Variants in TCF7L2 observed in about 807,000 individuals in gnomAD.
TCF7L2 encodes the protein transcription factor 7 like 2.
TCF7L2 carries 23 observed loss-of-function variants against 77.9 expected under a neutral mutation model. The ratio of observed to expected loss-of-function variants is 0.30; its 90% CI spans 0.21 to 0.42. TCF7L2 has a LOEUF of 0.42. Among genes scored for constraint, TCF7L2 ranks in the 10% least tolerant of loss-of-function variants. The pLI is 1.00. For synonymous variants in TCF7L2, 413 were observed against 340.2 expected (o/e 1.21, Z -2.36); for missense variants, 654 against 793.1 (o/e 0.82, Z 2.11).
chr10:112,992,351 C>T lies in TCF7L2; in HGVS notation c.450+27727C>T, dbSNP rs1325145501. On this transcript the variant is annotated intron_variant, in intron 4 of 13. Transcript: ENST00000627217. ...GCCACCCTCGCCTCCGCCCCCCAGCCCTGGGAGGGATGCATGCCCTCCGGG... is the reference window on the plus strand; with the variant it reads ...GCCACCCTCGCCTCCGCCCCCCAGCTCTGGGAGGGATGCATGCCCTCCGGG... Among the ~76,000 whole-genome samples the T allele has an allele frequency of 2.6e-5, 4 of 152,298 alleles. No homozygotes were observed. The South Asian group carries it at 8.3e-4, about 32-fold the overall frequency.
At chr10:113,122,605 A>G (rs2064978135) in intron 5 of TCF7L2, among the ~76,000 whole-genome samples, 1 of 152,234 alleles carries the variant, frequency 6.6e-6, no homozygotes, top group South Asian at 2.1e-4. Context: ...AATTGTATGC[A>G]GGAATAAAGA....
intron 5 of TCF7L2, among the ~76,000 whole-genome samples, chr10:113,088,912 C>T (rs553139380): frequency 5.4e-4 from 82 of 150,516 alleles, no homozygotes; most frequent in African/African-American, 1.1e-3. Context: ...AAGTCCAGTC[C>T]GGGCAACATA....
intron 5 of TCF7L2, among the ~76,000 whole-genome samples, chr10:113,101,489 G>A (rs1029964590): frequency 5.3e-5 from 8 of 152,006 alleles, no homozygotes; most frequent in Admixed American, 2.6e-4. Flanking sequence ...GCTGCAGTGA[G>A]CTCTAATTGA....
At position 112,964,710 on chromosome 10, in the gene TCF7L2, A is replaced by AGATAAT. The variant is rs370823901; in HGVS notation, c.450+90_450+95dup. 3 of 983,172 alleles carry AGATAAT rather than the reference A, an allele frequency of 3.1e-6. No individual in the cohort carries two copies. The East Asian group carries it at 1.2e-4, about 38-fold the overall frequency. 60.9% of individuals were successfully genotyped at this position (983,172 alleles called of 1,614,324 possible). The stretch of plus-strand genomic sequence containing the variant: ...TATTCTCCGCCCCTTCCCCCAACTG[A>AGATAAT]GATAATGATGATGATGATGATGATG... On this transcript the variant is annotated intron_variant, in intron 4 of 13. Transcript: ENST00000627217.
intron 5 of TCF7L2, among the ~76,000 whole-genome samples, chr10:113,041,221 G>C (rs547896407): frequency 6.6e-6 from 1 of 152,224 alleles, no homozygotes; most frequent in African/African-American, 2.4e-5. Flanking sequence ...ACCATATTTT[G>C]AGTCATCATT....
intron 4 of TCF7L2, among the ~76,000 whole-genome samples, chr10:113,013,606 A>C (rs189667449): frequency 3.5e-3 from 526 of 152,316 alleles, no homozygotes; most frequent in Non-Finnish European, 6.1e-3. Flanking sequence ...TAAGGAAGAT[A>C]AGCTTTGATT....
chr10:113,023,504 C>T (rs1033115326), intron 4 of TCF7L2, among the ~76,000 whole-genome samples: 7 of 152,118 alleles, frequency 4.6e-5, no homozygotes, highest in Non-Finnish European at 8.8e-5. Context: ...TGGAGTCTCC[C>T]TCTGTCACCC....
At chr10:112,967,923 C>T (rs936533191) in intron 4 of TCF7L2, among the ~76,000 whole-genome samples, 1 of 152,184 alleles carries the variant, frequency 6.6e-6, no homozygotes, top group African/African-American at 2.4e-5. Context: ...GCGTGAGCCA[C>T]CGCTCCTGGC....
At chr10:113,144,090 G>A in intron 7 of TCF7L2, 65 bp downstream of exon 7, 1 of 1,065,346 alleles carries the variant, frequency 9.4e-7, no homozygotes, top group Non-Finnish European at 1.3e-6. Context: ...TATTTATTCT[G>A]TGTGTGTGTC....
intron 5 of TCF7L2, among the ~76,000 whole-genome samples, chr10:113,061,543 C>T (rs369932103): frequency 9.9e-5 from 15 of 152,210 alleles, no homozygotes; most frequent in Admixed American, 2.0e-4. Flanking sequence ...TAGTAATTGT[C>T]GCAGGTATTA....
At chr10:113,028,392 G>C (rs1590700820) in intron 4 of TCF7L2, among the ~76,000 whole-genome samples, 1 of 152,040 alleles carries the variant, frequency 6.6e-6, no homozygotes, top group African/African-American at 2.4e-5. Context: ...TCCTCCCCAA[G>C]CAAAATTAAC....
At chr10:113,090,759 C>T (rs1235475331) in intron 5 of TCF7L2, among the ~76,000 whole-genome samples, 2 of 150,064 alleles carry the variant, frequency 1.3e-5, no homozygotes, top group Non-Finnish European at 3.0e-5. Context: ...CAGGTGCGCG[C>T]CACCAAGCCC....
intron 5 of TCF7L2, among the ~76,000 whole-genome samples, chr10:113,087,968 T>C (rs889801997): frequency 1.3e-5 from 2 of 152,190 alleles, no homozygotes; most frequent in Non-Finnish European, 2.9e-5. Context: ...TTCCAGAGTC[T>C]TGCATACCCA....
intron 13 of TCF7L2, among the ~76,000 whole-genome samples, chr10:113,164,899 C>T (rs980417789): frequency 4.6e-5 from 7 of 152,156 alleles, no homozygotes; most frequent in African/African-American, 9.7e-5. Context: ...GCTCTCTGGG[C>T]GCCAGCAGCC....
chr10:112,970,183 T>TGTGC (rs1433854815), intron 4 of TCF7L2, among the ~76,000 whole-genome samples: 1 of 152,080 alleles, frequency 6.6e-6, no homozygotes. Context: ...TGTGTGTGTG[T>TGTGC]GTGCATGTGC....
chr10:112,994,172 C>T (rs1374614912), intron 4 of TCF7L2, among the ~76,000 whole-genome samples: 1 of 152,130 alleles, frequency 6.6e-6, no homozygotes, highest in Non-Finnish European at 1.5e-5. Flanking sequence ...GTGCAGTCAT[C>T]CACACCCTCT....
chr10:113,083,365 AAAT>A (rs1208298803), intron 5 of TCF7L2, among the ~76,000 whole-genome samples: 1 of 152,090 alleles, frequency 6.6e-6, no homozygotes, highest in Non-Finnish European at 1.5e-5. Flanking sequence ...CATTAAAAAA[AAAT>A]AATAATGAGA....
intron 5 of TCF7L2, among the ~76,000 whole-genome samples, chr10:113,092,724 C>T (rs924235587): frequency 1.1e-4 from 16 of 152,038 alleles, no homozygotes; most frequent in African/African-American, 3.6e-4. Context: ...ATTAACCAGG[C>T]GTGGTGGCAC....
intron 3 of TCF7L2, among the ~76,000 whole-genome samples, chr10:112,958,658 G>A (rs967155930): frequency 1.3e-5 from 2 of 151,842 alleles, no homozygotes; most frequent in African/African-American, 4.8e-5. Context: ...AGATTCCTTC[G>A]TGCTGGGCCA....
Sources: allele counts gnomAD v4.1 joint callset (sites outside exome capture counted in the v4.1 genomes callset), GRCh38; gene constraint gnomAD v4.1.1; transcripts MANE v1.5; gene names NCBI Gene and HGNC (gene_info 2026-07-23, HGNC 2026-07-21).